Variants in N4BP2 observed in about 807,000 individuals in gnomAD.
N4BP2 encodes the protein NEDD4 binding protein 2, also known as NEDD4-binding protein 2.
Under a neutral mutation model 152.8 loss-of-function variants are expected in N4BP2, and 91 were observed. That is an observed-to-expected ratio of 0.60 (90% confidence interval 0.50 to 0.71). The LOEUF (loss-of-function observed/expected upper bound fraction) is 0.71. Ranked by LOEUF, N4BP2 falls within the 30% of genes least tolerant of loss-of-function variation. N4BP2 has a pLI of 0.00. For missense variants in N4BP2, 1,923 were observed against 2,059.1 expected (o/e 0.93, Z 1.28); for synonymous variants, 646 against 705.3 (o/e 0.92, Z 1.33).
At chr4:40,148,251 G>C (rs894835577) in intron 16 of N4BP2, among the ~76,000 whole-genome samples, 1 of 152,378 alleles carries the variant, frequency 6.6e-6, no homozygotes, top group South Asian at 2.1e-4. Context: ...GAGCTGGAGA[G>C]CAGCCTGGCC....
Position 40,121,979 on chromosome 4 carries a change from T to G in N4BP2, c.3868T>G (p.Phe1290Val), listed in dbSNP as rs1717971374. 6.4e-7 allele frequency: 1 copy of G among 1,554,432 alleles called. No homozygotes were observed. Among genetic ancestry groups the G allele is most frequent in the African/African-American group, 1.4e-5 (1 of 72,188 alleles). The change falls in exon 9 of 18, where the codon TTT becomes GTT. Residue 1290 changes from phenylalanine (F) to valine (V), a missense_variant. Physicochemically the swap from Phe to Val is conservative, Grantham distance 50. Transcript: ENST00000261435. Reference sequence around the variant, plus strand: ...TTCACATTTCTCTGATATTTTTAACTTTGTATCTAGTACTTCAAATCTTGA... The same window carrying G: ...TTCACATTTCTCTGATATTTTTAACGTTGTATCTAGTACTTCAAATCTTGA... ...SPSHFSDIFN[F>V]VSSTSNLELN...
At chr4:40,083,104 TG>T (rs2109922562) in intron 2 of N4BP2, 3 of 168,548 alleles carry the variant, frequency 1.8e-5, no homozygotes, top group East Asian at 1.6e-4. Flanking sequence ...GAAGCGGGGT[TG>T]GGGGGCGGTG....
intron 16 of N4BP2, among the ~76,000 whole-genome samples, chr4:40,151,052 G>C (rs1232703097): frequency 1.3e-5 from 2 of 152,150 alleles, no homozygotes; most frequent in African/African-American, 4.8e-5. Context: ...TAAACAGCAA[G>C]AACAGCCTGT....
At chr4:40,113,548 G>T in intron 7 of N4BP2, 40 bp downstream of exon 7, 1 of 1,350,782 alleles carries the variant, frequency 7.4e-7, no homozygotes, top group South Asian at 1.2e-5. Context: ...TTTATGTAAC[G>T]ACAGACAGAC....
chr4:40,132,256 C>CA (rs1456550169), intron 13 of N4BP2, among the ~76,000 whole-genome samples: 1 of 152,054 alleles, frequency 6.6e-6, no homozygotes, highest in African/African-American at 2.4e-5. Context: ...CTCTGTGTCT[C>CA]AAAATACAGT....
intron 14 of N4BP2, among the ~76,000 whole-genome samples, chr4:40,139,599 C>A (rs1409738280): frequency 6.8e-6 from 1 of 146,734 alleles, no homozygotes; most frequent in Non-Finnish European, 1.5e-5. Context: ...TCAAGTGATT[C>A]TCCTGCCTCA....
rs774272435 is a variant in N4BP2 at position 40,102,928 on chromosome 4, G to A, written c.1083G>A (p.Pro361=). ...PLLLPPPPPP[P]MWNPMIPAFD... is the part of the protein sequence containing the mutation. ...TGTTGCCTCCTCCGCCACCTCCACCGATGTGGAATCCAATGATTCCTGCTT... is the reference window on the plus strand; with the variant it reads ...TGTTGCCTCCTCCGCCACCTCCACCAATGTGGAATCCAATGATTCCTGCTT... The change falls in exon 4 of 18, where the codon CCG becomes CCA. Residue 361 remains proline, a synonymous_variant. Coordinates refer to ENST00000261435, the MANE Select transcript of N4BP2 (RefSeq NM_018177.6). 5 of 1,614,146 alleles carry A rather than the reference G, an allele frequency of 3.1e-6. No individual in the cohort carries two copies. Among genetic ancestry groups the A allele is most frequent in the South Asian group, 1.1e-5 (1 of 91,070 alleles).
chr4:40,182,212 G>C, the N4BP2 span, among the ~76,000 whole-genome samples: 7 of 152,320 alleles, frequency 4.6e-5, no homozygotes, highest in Admixed American at 2.0e-4. Flanking sequence ...TACAGTAAAG[G>C]CTTTTCAGGC....
chr4:40,133,119 A>T (rs562909332), intron 13 of N4BP2, among the ~76,000 whole-genome samples: 2 of 152,154 alleles, frequency 1.3e-5, no homozygotes, highest in East Asian at 3.9e-4. Flanking sequence ...GTCAAAGTCT[A>T]TTTTATGCTG....
chr4:40,156,681 T>G lies in N4BP2; in HGVS notation c.*2444T>G, dbSNP rs1721623372. 1 of 152,204 alleles carries G rather than the reference T, an allele frequency of 6.6e-6. No individual in the cohort carries two copies. The highest frequency in any genetic ancestry group is 2.4e-5 in the African/African-American group (1 of 41,560). 9.4% of individuals were successfully genotyped at this position (152,204 alleles called of 1,614,324 possible). A position where few individuals can be genotyped will look rare whatever the true frequency, so the allele number is the denominator to read the frequency against. The stretch of plus-strand genomic sequence containing the variant: ...CTAAATCCTGTATGTCAAAGATAGT[T>G]TGGAGATTATAAAAATTTTCATGTA... On this transcript the variant is annotated 3_prime_UTR_variant, in exon 18 of 18. Coordinates refer to ENST00000261435, the MANE Select transcript of N4BP2 (RefSeq NM_018177.6).
the N4BP2 span, among the ~76,000 whole-genome samples, chr4:40,176,105 A>G: frequency 4.0e-5 from 6 of 151,382 alleles, no homozygotes; most frequent in African/African-American, 9.7e-5. Context: ...AAAAAAAAAA[A>G]AGAGAAAGAA....
At chr4:40,103,354 C>A in intron 4 of N4BP2, 136 bp downstream of exon 4, 1 of 692,148 alleles carries the variant, frequency 1.4e-6, no homozygotes, top group Non-Finnish European at 2.3e-6. Flanking sequence ...ACTAAGGTTT[C>A]CTAACTTTGT....
chr4:40,137,052 T>C lies in N4BP2; in HGVS notation c.4755T>C (p.Ser1585=). 1.2e-6 allele frequency: 2 copies of C among 1,613,806 alleles called. No individual in the cohort carries two copies. Among genetic ancestry groups the C allele is most frequent in the African/African-American group, 1.3e-5 (1 of 75,024 alleles). ...EFVHQNENVT[S]HTGQKSKEKK... ...TTCACCAAAATGAGAATGTCACATC[T>C]CATACTGGCCAGAAGTCTAAAGAGA... The change falls in exon 14 of 18, where the codon TCT becomes TCC. Residue 1585 remains serine (S), a synonymous_variant. Coordinates refer to ENST00000261435, the MANE Select transcript of N4BP2 (RefSeq NM_018177.6).
chr4:40,173,440 A>G, the N4BP2 span, among the ~76,000 whole-genome samples: 2 of 152,192 alleles, frequency 1.3e-5, no homozygotes, highest in Non-Finnish European at 2.9e-5. Flanking sequence ...GAAAGAAAAT[A>G]GGATACTCAT....
intron 15 of N4BP2, 37 bp downstream of exon 15, chr4:40,142,898 T>A (rs1458960247): frequency 6.4e-7 from 1 of 1,559,532 alleles, no homozygotes; most frequent in East Asian, 2.3e-5. Flanking sequence ...TTTTGTCAGT[T>A]ATAATAACTA....
intron 12 of N4BP2, among the ~76,000 whole-genome samples, chr4:40,129,913 G>GTT (rs1718767533): frequency 6.6e-6 from 1 of 152,152 alleles, no homozygotes; most frequent in African/African-American, 2.4e-5. Flanking sequence ...AGGTTACAAG[G>GTT]TTTTAGTTCA....
rs115889698 is a variant in N4BP2, at chr4:40,068,551, T to C, written c.-211-4904T>C. On this transcript the variant is annotated intron_variant, in intron 1 of 17. Coordinates refer to ENST00000261435, the MANE Select transcript of N4BP2 (RefSeq NM_018177.6). ...GCATGTGGGTACCCAGTTTTTCCTA[T>C]ATCATTTGTTGAAGAGACTCTCCTT... Among the ~76,000 whole-genome samples the C allele has an allele frequency of 4.7e-3, 713 of 152,312 alleles. 11 individuals carry two copies. Among genetic ancestry groups the C allele is most frequent in the African/African-American group, 0.017 (691 of 41,578 alleles).
At chr4:40,172,801 C>G in the N4BP2 span, among the ~76,000 whole-genome samples, 1 of 152,242 alleles carries the variant, frequency 6.6e-6, no homozygotes, top group Non-Finnish European at 1.5e-5. Flanking sequence ...ATGACCATTT[C>G]ACTGCAATCT....
intron 16 of N4BP2, among the ~76,000 whole-genome samples, chr4:40,145,574 G>A (rs1425641262): frequency 6.6e-6 from 1 of 152,106 alleles, no homozygotes; most frequent in Admixed American, 6.6e-5. Flanking sequence ...GTAAAGATTA[G>A]AAAAGAGAAA....
Sources: allele counts gnomAD v4.1 joint callset (sites outside exome capture counted in the v4.1 genomes callset), GRCh38; gene constraint gnomAD v4.1.1; transcripts MANE v1.5; gene names NCBI Gene and HGNC (gene_info 2026-07-23, HGNC 2026-07-21).